The following DENND5B variants were observed in gnomAD, a reference collection of about 807,000 sequenced individuals.
DENND5B encodes DENN domain containing 5B.
DENND5B carries 34 observed loss-of-function variants against 140.6 expected under a neutral mutation model. That is an observed-to-expected ratio of 0.24 (90% CI 0.18 to 0.32). The LOEUF is 0.32. DENND5B is among the 10% of genes least tolerant of loss of function. DENND5B has a pLI of 1.00. For synonymous variants in DENND5B, 551 were observed against 562.1 expected, an observed-to-expected ratio of 0.98 and a Z score of 0.28; for missense variants, 1,142 against 1,560.2, an observed-to-expected ratio of 0.73 and a Z score of 4.52.
chr12:31,589,401 TA>T (rs1471821187), intron 1 of DENND5B, among the ~76,000 whole-genome samples: 1 of 152,200 alleles, frequency 6.6e-6, no homozygotes, highest in East Asian at 1.9e-4. Context: ...TTTTTTTAAC[TA>T]AAACTAGACT....
At chr12:31,445,086 G>C (rs1450391432) in intron 6 of DENND5B, among the ~76,000 whole-genome samples, 1 of 152,174 alleles carries the variant, frequency 6.6e-6, no homozygotes, top group Admixed American at 6.6e-5. Flanking sequence ...CAGAGGAAAA[G>C]TTGCTGTCAA....
rs1256492193 is a variant in DENND5B, at chr12:31,442,871, T to C, written c.1916A>G (p.His639Arg). 7 of 1,609,722 alleles carry C rather than the reference T, an allele frequency of 4.3e-6. No homozygotes were observed. Among genetic ancestry groups the C allele is most frequent in the Non-Finnish European group, 5.9e-6 (7 of 1,177,890 alleles). ...TTGACCAATTTTCATATCAAGTAGA[T>C]GTGGGTGGATTGCAGTGTGATCCAT... ...MKMDHTAIHP[H>R]LLDMKIGQGK... is the part of the protein sequence containing the mutation. Residue 639 changes from histidine (H) to arginine (R), a missense_variant, in exon 7 of 21, where the codon CAT becomes CGT. Physicochemically the swap from His to Arg is conservative, Grantham distance 29. Around this residue, in one of 5 missense-constraint regions of DENND5B, gnomAD observed 708 missense variants for 905.5 expected, o/e 0.78. Transcript: ENST00000389082.
chr12:31,402,123 T>C (rs1188415715), intron 15 of DENND5B, among the ~76,000 whole-genome samples: 1 of 151,962 alleles, frequency 6.6e-6, no homozygotes, highest in African/African-American at 2.4e-5. Context: ...TCCTGTCCTT[T>C]TGCCAAAGGA....
chr12:31,545,819 T>C (rs1200382385), intron 1 of DENND5B, among the ~76,000 whole-genome samples: 6 of 151,520 alleles, frequency 4.0e-5, no homozygotes, highest in Admixed American at 2.0e-4. Context: ...ATTAGCCAGG[T>C]ATGGTAGTAC....
At chr12:31,498,732 G>A (rs1946882296) in intron 1 of DENND5B, among the ~76,000 whole-genome samples, 1 of 152,050 alleles carries the variant, frequency 6.6e-6, no homozygotes, top group Admixed American at 6.5e-5. Flanking sequence ...TAGCACTTTG[G>A]GAGGCTGAGG....
intron 1 of DENND5B, among the ~76,000 whole-genome samples, chr12:31,514,266 T>C (rs56195878): frequency 0.11 from 17,332 of 152,242 alleles, 1,153 homozygotes; most frequent in East Asian, 0.25. Flanking sequence ...CTGTATCATA[T>C]AGTCAAGGTT....
rs1235262182 is a variant in DENND5B at position 31,386,220 on chromosome 12, C to T, written c.*1383G>A. On this transcript the variant is annotated 3_prime_UTR_variant, in exon 21 of 21. Coordinates refer to ENST00000389082, the MANE Select transcript of DENND5B (RefSeq NM_144973.4). ...ACTGGGAATAAAACTGGGAGCTCTG[C>T]TGAGGCAATTTTGCTGCTAAAAATG... The T allele has an allele frequency of 1.9e-5, 3 of 154,828 alleles. No individual in the cohort carries two copies. The highest frequency in any genetic ancestry group is 7.2e-5 in the African/African-American group (3 of 41,536). 9.6% of individuals were successfully genotyped at this position (154,828 alleles called of 1,614,324 possible).
In DENND5B at chr12:31,411,582, A is replaced by G. The variant is rs890165725; in HGVS notation, c.2681+1854T>C. ...ATGGTCTCGATCTCCTGACCTCATGATCTGCCTGCCTCGGCCTCCCAAAGT... is the reference window on the plus strand; with the variant it reads ...ATGGTCTCGATCTCCTGACCTCATGGTCTGCCTGCCTCGGCCTCCCAAAGT... On this transcript the variant is annotated intron_variant, in intron 13 of 20. Coordinates refer to ENST00000389082, the MANE Select transcript of DENND5B (RefSeq NM_144973.4). 5.9e-5 allele frequency among the ~76,000 whole-genome samples: 9 copies of G among 152,000 alleles called. No individual in the cohort carries two copies. In the East Asian group the frequency reaches 1.7e-3, roughly 29 times the overall value.
chr12:31,459,585 G>T (rs2568886), intron 4 of DENND5B, among the ~76,000 whole-genome samples: 11,880 of 152,024 alleles, frequency 0.078, 1,063 homozygotes, highest in African/African-American at 0.22. Flanking sequence ...ATCCCACCAC[G>T]CCTGGCCTAT....
At chr12:31,557,213 C>A in intron 1 of DENND5B, among the ~76,000 whole-genome samples, 1 of 152,056 alleles carries the variant, frequency 6.6e-6, no homozygotes, top group East Asian at 1.9e-4. Flanking sequence ...GTTAATTATA[C>A]AGGCATAGAG....
chr12:31,397,549 CAAA>C (rs1223481557), intron 17 of DENND5B, among the ~76,000 whole-genome samples: 1 of 49,320 alleles, frequency 2.0e-5, no homozygotes, highest in Non-Finnish European at 3.3e-5. Context: ...TTCCATCTCA[CAAA>C]AAAAAAAAAA....
chr12:31,496,707 T>C (rs1022100003), intron 1 of DENND5B, among the ~76,000 whole-genome samples: 3 of 151,798 alleles, frequency 2.0e-5, no homozygotes, highest in Non-Finnish European at 4.4e-5. Context: ...CTTTTCTTCC[T>C]ATTTTTTTTT....
intron 1 of DENND5B, among the ~76,000 whole-genome samples, chr12:31,522,456 T>C (rs1004027170): frequency 6.6e-6 from 1 of 152,190 alleles, no homozygotes; most frequent in Non-Finnish European, 1.5e-5. Context: ...ATTGCTATTA[T>C]TATTTTGAGA....
At chr12:31,499,682 T>A in intron 1 of DENND5B, 1 of 1,447,948 alleles carries the variant, frequency 6.9e-7, no homozygotes, top group Non-Finnish European at 9.1e-7. Flanking sequence ...CTACATAATG[T>A]AACAGAAACA....
intron 1 of DENND5B, among the ~76,000 whole-genome samples, chr12:31,499,839 G>A (rs1946935969): frequency 6.6e-6 from 1 of 152,230 alleles, no homozygotes; most frequent in South Asian, 2.1e-4. Context: ...GCTGATAAGG[G>A]ATTAGTAATG....
chr12:31,584,739 C>A (rs1950335060), intron 1 of DENND5B, among the ~76,000 whole-genome samples: 1 of 152,106 alleles, frequency 6.6e-6, no homozygotes, highest in Admixed American at 6.5e-5. Context: ...AGGTGAAGGA[C>A]TGCTTGAGCC....
intron 11 of DENND5B, among the ~76,000 whole-genome samples, chr12:31,419,293 T>C (rs7313889): frequency 0.41 from 61,991 of 152,006 alleles, 13,158 homozygotes; most frequent in East Asian, 0.57. Context: ...TGAATCAAAC[T>C]ACAAAAATAG....
intron 1 of DENND5B, among the ~76,000 whole-genome samples, chr12:31,551,715 T>G (rs2139249440): frequency 6.6e-6 from 1 of 152,338 alleles, no homozygotes; most frequent in East Asian, 1.9e-4. Flanking sequence ...GTTCTTCCAT[T>G]TGTTTGTATC....
chr12:31,389,269 G>T, intron 20 of DENND5B, 55 bp downstream of exon 20: 1 of 1,526,218 alleles, frequency 6.6e-7, no homozygotes, highest in Non-Finnish European at 8.9e-7. Flanking sequence ...AACCTTTTCT[G>T]GACTCTAGTT....
Sources: gnomAD v4.1 joint callset for allele counts (sites outside exome capture counted in the v4.1 genomes callset) on GRCh38, gnomAD v4.1.1 for gene constraint, gnomAD v4.1.1 regional missense constraint, MANE v1.5 for transcripts, NCBI Gene and HGNC (gene_info 2026-07-23, HGNC 2026-07-21) for gene names.